The following SCUBE1 variants were observed in gnomAD, a reference collection of about 807,000 sequenced individuals.
SCUBE1 encodes signal peptide, CUB and EGF-like domain-containing protein 1.
SCUBE1 carries 59 observed loss-of-function variants against 124.4 expected under a neutral mutation model. That is an observed-to-expected ratio of 0.47 (90% CI 0.38 to 0.59). The LOEUF is 0.59. Among genes scored for constraint, SCUBE1 ranks in the 20% least tolerant of loss-of-function variants. The pLI is 0.00. For missense variants in SCUBE1, 1,150 were observed against 1,371.2 expected (o/e 0.84, Z 2.55); for synonymous variants, 545 against 550.9 (o/e 0.99, Z 0.15).
intron 6 of SCUBE1, among the ~76,000 whole-genome samples, chr22:43,244,138 G>A (rs949349372): frequency 6.6e-6 from 1 of 151,952 alleles, no homozygotes; most frequent in African/African-American, 2.4e-5. Flanking sequence ...CTGGGTCTGC[G>A]CCTTCCTCTC....
At chr22:43,282,094 T>C (rs1445244740) in intron 4 of SCUBE1, 1 of 152,668 alleles carries the variant, frequency 6.6e-6, no homozygotes, top group Non-Finnish European at 1.5e-5. Flanking sequence ...GTGAAGGGAG[T>C]TGAGAAGGGC....
At chr22:43,275,460 C>T (rs1924467786) in intron 4 of SCUBE1, among the ~76,000 whole-genome samples, 1 of 152,242 alleles carries the variant, frequency 6.6e-6, no homozygotes, top group African/African-American at 2.4e-5. Flanking sequence ...TTTTCCTCTG[C>T]ACCCTGCCCT....
At chr22:43,331,630 T>C (rs977548670) in intron 2 of SCUBE1, among the ~76,000 whole-genome samples, 1 of 152,208 alleles carries the variant, frequency 6.6e-6, no homozygotes, top group Non-Finnish European at 1.5e-5. Flanking sequence ...TTAAGATTAG[T>C]AGGACCCAAT....
intron 1 of SCUBE1, among the ~76,000 whole-genome samples, chr22:43,342,506 C>A (rs574245917): frequency 2.8e-4 from 41 of 146,844 alleles, no homozygotes; most frequent in Admixed American, 1.1e-3. Context: ...CTCTCACCGC[C>A]CCCCCCAACC....
At chr22:43,312,951 G>T (rs1926223420) in intron 3 of SCUBE1, among the ~76,000 whole-genome samples, 1 of 152,206 alleles carries the variant, frequency 6.6e-6, no homozygotes, top group South Asian at 2.1e-4. Context: ...GCTGAAATTG[G>T]CAAAATCCCA....
At chr22:43,217,159 C>A in intron 15 of SCUBE1, among the ~76,000 whole-genome samples, 1 of 143,748 alleles carries the variant, frequency 7.0e-6, no homozygotes, top group Admixed American at 6.8e-5. Flanking sequence ...CTTCCCTCCT[C>A]CCCCGCCAGG....
intron 7 of SCUBE1, 65 bp downstream of exon 7, chr22:43,238,773 A>G: frequency 1.5e-6 from 2 of 1,338,858 alleles, no homozygotes; most frequent in Admixed American, 1.7e-5. Flanking sequence ...CGGCTATGCA[A>G]GCACACGGAG....
At position 43,203,136 on chromosome 22, in the gene SCUBE1, C is replaced by A. The variant is rs938398851; in HGVS notation, c.*861G>T. 1 of 152,148 alleles carries A rather than the reference C, an allele frequency of 6.6e-6. No individual in the cohort carries two copies. Among genetic ancestry groups the A allele is most frequent in the South Asian group, 2.1e-4 (1 of 4,832 alleles). The allele number at this position is 152,148 out of a possible 1,614,324, so 9.4% of individuals were successfully genotyped here. A position where few individuals can be genotyped will look rare whatever the true frequency, so the allele number is the denominator to read the frequency against. ...ATCTGAGCCTAGTTCTCGAAGAATT[C>A]GTGTTCAGAAGCAAGTCCAAGGCAA... On this transcript the variant is annotated 3_prime_UTR_variant, in exon 22 of 22. Transcript: ENST00000360835.
intron 2 of SCUBE1, among the ~76,000 whole-genome samples, chr22:43,321,809 C>G (rs1926565114): frequency 6.6e-6 from 1 of 152,182 alleles, no homozygotes; most frequent in Non-Finnish European, 1.5e-5. Context: ...AACTCCTGGG[C>G]TCAAGGGATC....
rs1342095362 is a variant in SCUBE1 at position 43,202,669 on chromosome 22, C to T, written c.*1328G>A. 3 of 152,264 alleles carry T rather than the reference C, an allele frequency of 2.0e-5. No individual in the cohort carries two copies. Among genetic ancestry groups the T allele is most frequent in the African/African-American group, 7.2e-5 (3 of 41,440 alleles). The allele number at this position is 152,264 out of a possible 1,614,324, so 9.4% of individuals were successfully genotyped here. The stretch of plus-strand genomic sequence containing the variant: ...GCGCTTGCTTCCCCTTCACCCTCCG[C>T]CATGATTGTAAGTTTCCTGAGGCCT... On this transcript the variant is annotated 3_prime_UTR_variant, in exon 22 of 22. Transcript: ENST00000360835.
At chr22:43,310,923 C>T (rs1027234372) in intron 3 of SCUBE1, among the ~76,000 whole-genome samples, 2 of 152,222 alleles carry the variant, frequency 1.3e-5, no homozygotes, top group African/African-American at 2.4e-5. Context: ...GGGCCACTGG[C>T]GCACACCTCC....
At chr22:43,220,383 G>T (rs1418237860) in intron 14 of SCUBE1, 67 bp downstream of exon 14, 5 of 1,557,962 alleles carry the variant, frequency 3.2e-6, no homozygotes, top group Admixed American at 1.8e-5. Context: ...GCAGGCCCCC[G>T]GCAGCGCCAC....
intron 2 of SCUBE1, among the ~76,000 whole-genome samples, chr22:43,338,270 G>C (rs901705463): frequency 1.3e-5 from 2 of 152,220 alleles, no homozygotes; most frequent in African/African-American, 4.8e-5. Context: ...TGGGGAGGCA[G>C]TTTTTAATAG....
chr22:43,225,693 T>C (rs868308933), intron 10 of SCUBE1, among the ~76,000 whole-genome samples: 1 of 151,754 alleles, frequency 6.6e-6, no homozygotes, highest in Admixed American at 6.6e-5. Flanking sequence ...TGAGTCACCG[T>C]GCCCGGCCAA....
In SCUBE1 at chr22:43,221,229, T is replaced by C. The variant is rs754026763; in HGVS notation, c.1493A>G (p.His498Arg). 32 of 1,610,398 alleles carry C rather than the reference T, an allele frequency of 2.0e-5. No homozygotes were observed. The highest frequency in any genetic ancestry group is 2.5e-5 in the Non-Finnish European group (29 of 1,179,766). Residue 498 changes from histidine (H) to arginine (R), a missense_variant, in exon 13 of 22, where the codon CAC becomes CGC. Physicochemically the swap from His to Arg is conservative, Grantham distance 29. This residue lies in a region of SCUBE1 where 757 missense variants were observed against 840.9 expected (regional missense o/e 0.90). Coordinates refer to ENST00000360835, the MANE Select transcript of SCUBE1 (RefSeq NM_173050.5). ...ARFKIRDAKCHLRPHSQARAK... is the reference protein window; with the variant it reads ...ARFKIRDAKCRLRPHSQARAK... ...TCGTGCCTGGCTGTGGGGCCGGAGG[T>C]GGCACTTGGCATCTCGGATCTTGAA...
chr22:43,276,633 C>T (rs746812467), intron 4 of SCUBE1, among the ~76,000 whole-genome samples: 7 of 152,218 alleles, frequency 4.6e-5, no homozygotes, highest in Non-Finnish European at 7.4e-5. Context: ...CGGTGGTTTC[C>T]GAACCCACAC....
chr22:43,295,367 G>C (rs1336062897), intron 3 of SCUBE1, among the ~76,000 whole-genome samples: 1 of 152,228 alleles, frequency 6.6e-6, no homozygotes, highest in Non-Finnish European at 1.5e-5. Context: ...CCTGGGGTGA[G>C]GACAGATCTG....
At chr22:43,245,711 C>T (rs1345027667) in intron 6 of SCUBE1, among the ~76,000 whole-genome samples, 2 of 152,176 alleles carry the variant, frequency 1.3e-5, no homozygotes, top group Non-Finnish European at 2.9e-5. Context: ...CCATTTTGGC[C>T]CTCTGCTGAC....
chr22:43,256,474 T>C lies in SCUBE1; in HGVS notation c.727+1745A>G, dbSNP rs544489927. Among the ~76,000 whole-genome samples, 18 of 152,260 alleles carry C rather than the reference T, an allele frequency of 1.2e-4. 1 individual carries two copies. In the South Asian group the frequency reaches 3.5e-3, roughly 30 times the overall value. ...GGGCGAAGGCAGGTGAAGGCATCTCTTCCTGGACAGGAGTAGAAGTAGCAG... is the reference window on the plus strand; with the variant it reads ...GGGCGAAGGCAGGTGAAGGCATCTCCTCCTGGACAGGAGTAGAAGTAGCAG... On this transcript the variant is annotated intron_variant, in intron 6 of 21. Transcript: ENST00000360835.
Sources: allele counts gnomAD v4.1 joint callset (sites outside exome capture counted in the v4.1 genomes callset), GRCh38; gene constraint gnomAD v4.1.1; regional missense constraint gnomAD v4.1.1; transcripts MANE v1.5; gene names NCBI Gene and HGNC (gene_info 2026-07-23, HGNC 2026-07-21).